Variants in XKR6 observed in about 807,000 individuals in gnomAD.
XKR6 encodes the protein XK related 6, also known as XK-related protein 6.
In XKR6, 22 loss-of-function variants were observed where a neutral mutation model predicts 56.7. The ratio of observed to expected loss-of-function variants is 0.39; its 90% confidence interval spans 0.28 to 0.55. XKR6 has a LOEUF of 0.55. XKR6 is among the 20% of genes least tolerant of loss of function. The probability of loss-of-function intolerance (pLI) is 0.66; values close to 1 mark genes in which losing one functional copy is unlikely to be tolerated. For synonymous variants in XKR6, 524 were observed against 387.8 expected (o/e 1.35, Z -4.13); for missense variants, 852 against 889.0 (o/e 0.96, Z 0.53).
intron 1 of XKR6, among the ~76,000 whole-genome samples, chr8:11,136,232 T>C (rs1800386389): frequency 6.6e-6 from 1 of 152,234 alleles, no homozygotes; most frequent in Admixed American, 6.5e-5. Flanking sequence ...CAAAAATTCC[T>C]GGCCTGGCGC....
chr8:10,979,544 C>G (rs893056878), intron 1 of XKR6, among the ~76,000 whole-genome samples: 1 of 152,196 alleles, frequency 6.6e-6, no homozygotes, highest in Non-Finnish European at 1.5e-5. Flanking sequence ...GACCCTCTAG[C>G]CCCTGAAGCA....
chr8:11,121,842 A>G (rs1003621934), intron 1 of XKR6, among the ~76,000 whole-genome samples: 17 of 152,342 alleles, frequency 1.1e-4, no homozygotes, highest in Middle Eastern at 3.4e-3. Context: ...ACACAATGGA[A>G]TACTATGCAG....
In XKR6 at chr8:11,200,320, T is replaced by G. The variant is rs1036390336; in HGVS notation, c.764+256A>C. 6.6e-6 allele frequency among the ~76,000 whole-genome samples: 1 copy of G among 151,944 alleles called. No individual in the cohort carries two copies. Among genetic ancestry groups the G allele is most frequent in the Admixed American group, 6.5e-5 (1 of 15,280 alleles). On this transcript the variant is annotated intron_variant, in intron 1 of 2. Coordinates refer to ENST00000416569, the MANE Select transcript of XKR6 (RefSeq NM_173683.4). This position sits in a 1 kb window ranked among gnomAD's most constrained non-coding sequence, Gnocchi z 6.4. ...TGCAGAGGGGACGGGGAGGGCAGGTTGGGGCAAGAGCCCCGCCGAGTGCGA... is the reference window on the plus strand; with the variant it reads ...TGCAGAGGGGACGGGGAGGGCAGGTGGGGGCAAGAGCCCCGCCGAGTGCGA...
chr8:10,906,856 G>A lies in XKR6; in HGVS notation c.962-7940C>T, dbSNP rs182190203. On this transcript the variant is annotated intron_variant, in intron 2 of 2. Transcript: ENST00000416569. ...AGACCATCCTATACTGGCCAACATG[G>A]TGAAACCATGTATTTAGTCTCCACT... Among the ~76,000 whole-genome samples, 42 of 152,276 alleles carry A rather than the reference G, an allele frequency of 2.8e-4. No individual in the cohort carries two copies. The East Asian group carries it at 7.5e-3, about 27-fold the overall frequency.
In XKR6 at chr8:11,200,668, G is replaced by C. The variant is rs1804165280; in HGVS notation, c.672C>G (p.Val224=). 1.9e-6 allele frequency: 3 copies of C among 1,560,698 alleles called. No individual in the cohort carries two copies. Among genetic ancestry groups the C allele is most frequent in the East Asian group, 2.4e-5 (1 of 42,220 alleles). ...GAARGGPGVR[V]SPTPGAQRLC... Reference sequence around the variant, plus strand: ...GGCGCTGCGCCCCCGGCGTGGGGGAGACCCTCACGCCTGGGCCACCGCGGG... The same window carrying C: ...GGCGCTGCGCCCCCGGCGTGGGGGACACCCTCACGCCTGGGCCACCGCGGG... The change falls in exon 1 of 3, where the codon GTC becomes GTG. Residue 224 remains valine (V), a synonymous_variant. Coordinates refer to ENST00000416569, the MANE Select transcript of XKR6 (RefSeq NM_173683.4). This position sits in a 1 kb window ranked among gnomAD's most constrained non-coding sequence, Gnocchi z 6.4.
At chr8:11,062,520 C>G (rs1274569131) in intron 1 of XKR6, 1 of 354,510 alleles carries the variant, frequency 2.8e-6, no homozygotes, top group South Asian at 2.2e-5. Flanking sequence ...ACCATCTCTC[C>G]TCTACCTGCC....
chr8:11,192,786 G>A (rs371016065), intron 1 of XKR6, among the ~76,000 whole-genome samples: 1 of 152,126 alleles, frequency 6.6e-6, no homozygotes, highest in Non-Finnish European at 1.5e-5. Flanking sequence ...CCTGGAATCC[G>A]CATGTTAATG....
chr8:10,938,487 GGT>G (rs1163851107), intron 1 of XKR6, among the ~76,000 whole-genome samples: 1 of 152,128 alleles, frequency 6.6e-6, no homozygotes, highest in African/African-American at 2.4e-5. Context: ...AAACAATTAT[GGT>G]AATCCATACT....
At chr8:11,138,233 T>C (rs1208672906) in intron 1 of XKR6, 1 of 154,078 alleles carries the variant, frequency 6.5e-6, no homozygotes, top group Non-Finnish European at 1.4e-5. Context: ...CACACATGTG[T>C]GGTGTCTCAT....
In XKR6 at chr8:10,996,270, G is replaced by A. The variant is rs1477713288; in HGVS notation, c.765-71440C>T. Among the ~76,000 whole-genome samples the A allele has an allele frequency of 2.6e-5, 4 of 152,234 alleles. No homozygotes were observed. In the East Asian group the frequency reaches 7.7e-4, roughly 29 times the overall value. Reference sequence around the variant, plus strand: ...CTCCTGGGGGTGTGTGGAACAGTGGGCCCCCTCAGCTGCATGTGAGCTGGT... The same window carrying A: ...CTCCTGGGGGTGTGTGGAACAGTGGACCCCCTCAGCTGCATGTGAGCTGGT... On this transcript the variant is annotated intron_variant, in intron 1 of 2. Coordinates refer to ENST00000416569, the MANE Select transcript of XKR6 (RefSeq NM_173683.4).
intron 2 of XKR6, among the ~76,000 whole-genome samples, chr8:10,914,370 G>A (rs780944144): frequency 1.3e-5 from 2 of 152,138 alleles, no homozygotes; most frequent in Non-Finnish European, 2.9e-5. Flanking sequence ...GATAGTATTC[G>A]TGAAACTCCT....
chr8:11,101,192 G>C (rs1483655849), intron 1 of XKR6, among the ~76,000 whole-genome samples: 2 of 152,158 alleles, frequency 1.3e-5, no homozygotes, highest in African/African-American at 4.8e-5. Context: ...GAGATATTTG[G>C]GTAAGTGCAG....
chr8:11,184,378 T>TATATATACACAC (rs1331641498), intron 1 of XKR6, among the ~76,000 whole-genome samples: 1 of 137,486 alleles, frequency 7.3e-6, no homozygotes, highest in African/African-American at 3.1e-5. Flanking sequence ...TATATATATA[T>TATATATACACAC]ATACACACAT....
At chr8:11,131,876 G>C (rs757038368) in intron 1 of XKR6, among the ~76,000 whole-genome samples, 4 of 152,168 alleles carry the variant, frequency 2.6e-5, no homozygotes, top group Non-Finnish European at 5.9e-5. Context: ...CAGTGTAGGT[G>C]TGCAGTAGAC....
chr8:10,984,753 T>TATATATATATATATATATATATATATAG (rs1797822222), intron 1 of XKR6, among the ~76,000 whole-genome samples: 1 of 142,534 alleles, frequency 7.0e-6, no homozygotes, highest in Non-Finnish European at 1.5e-5. Context: ...TATATATATA[T>TATATATATATATATATATATATATATAG]ATATTTGAAG....
chr8:11,133,280 G>C (rs188337026), intron 1 of XKR6, among the ~76,000 whole-genome samples: 1 of 152,184 alleles, frequency 6.6e-6, no homozygotes, highest in East Asian at 1.9e-4. Context: ...AAAATACGGC[G>C]TCAGCTTCAC....
At chr8:11,197,403 T>C (rs1449190147) in intron 1 of XKR6, among the ~76,000 whole-genome samples, 1 of 152,194 alleles carries the variant, frequency 6.6e-6, no homozygotes, top group Admixed American at 6.5e-5. Context: ...CATACATCAA[T>C]GCAACAGGCA....
rs550122560 is a variant in XKR6 at position 11,094,734 on chromosome 8, G to A, written c.764+105842C>T. ...CACAGACCTCTGGGGTGGCATCAAC[G>A]TCAGCATTGTCAATGTCATCATCAG... is the stretch of plus-strand genomic sequence containing the variant. On this transcript the variant is annotated intron_variant, in intron 1 of 2. Coordinates refer to ENST00000416569, the MANE Select transcript of XKR6 (RefSeq NM_173683.4). Among the ~76,000 whole-genome samples, 19 of 152,248 alleles carry A rather than the reference G, an allele frequency of 1.2e-4. 1 individual carries two copies. Among genetic ancestry groups the A allele is most frequent in the African/African-American group, 4.1e-4 (17 of 41,560 alleles).
At chr8:11,072,425 C>T (rs1176580761) in intron 1 of XKR6, among the ~76,000 whole-genome samples, 4 of 151,992 alleles carry the variant, frequency 2.6e-5, no homozygotes, top group Non-Finnish European at 5.9e-5. Flanking sequence ...GCTCCACCCC[C>T]TCTCTGTTTT....
Sources: allele counts gnomAD v4.1 joint callset (sites outside exome capture counted in the v4.1 genomes callset), GRCh38; gene constraint gnomAD v4.1.1; non-coding constraint Gnocchi (gnomAD v3.1); transcripts MANE v1.5; gene names NCBI Gene and HGNC (gene_info 2026-07-23, HGNC 2026-07-21).